TCF12: variants seen among roughly 807,000 people sequenced by gnomAD.
The protein encoded by TCF12 is DNA-binding protein HTF4.
In TCF12, 45 loss-of-function variants were observed where a neutral mutation model predicts 86.0. That is an observed-to-expected ratio of 0.52 (90% CI 0.41 to 0.67). The LOEUF (loss-of-function observed/expected upper bound fraction) is 0.67, where lower values mean the gene tolerates loss of function less well. Ranked by LOEUF, TCF12 falls within the 30% of genes least tolerant of loss-of-function variation. The pLI is 0.00. For missense variants in TCF12, 881 were observed against 859.9 expected (o/e 1.02, Z -0.31); for synonymous variants, 330 against 299.6 (o/e 1.10, Z -1.05).
intron 3 of TCF12, among the ~76,000 whole-genome samples, chr15:56,951,664 T>G (rs1009729052): frequency 2.0e-5 from 3 of 152,206 alleles, no homozygotes; most frequent in Non-Finnish European, 4.4e-5. Flanking sequence ...TAGAACGTTT[T>G]TTTGAGACCA....
At chr15:57,251,489 G>T in intron 14 of TCF12, 66 bp downstream of exon 14, 1 of 1,489,472 alleles carries the variant, frequency 6.7e-7, no homozygotes, top group Admixed American at 1.7e-5. Flanking sequence ...GGTCAATCTG[G>T]CATAACAATA....
intron 4 of TCF12, among the ~76,000 whole-genome samples, chr15:57,085,972 T>C (rs567180881): frequency 3.8e-4 from 58 of 152,234 alleles, no homozygotes; most frequent in African/African-American, 1.4e-3. Flanking sequence ...CCTTTCTTTC[T>C]GATAGTTACC....
At chr15:57,075,686 G>A (rs952171221) in intron 4 of TCF12, among the ~76,000 whole-genome samples, 2 of 151,852 alleles carry the variant, frequency 1.3e-5, no homozygotes, top group African/African-American at 2.4e-5. Context: ...GGGAATTTAA[G>A]CCTGAGTTCT....
chr15:57,250,735 A>G (rs556231159), intron 13 of TCF12, among the ~76,000 whole-genome samples: 3 of 151,962 alleles, frequency 2.0e-5, no homozygotes, highest in Non-Finnish European at 2.9e-5. Flanking sequence ...TCTCAAAAAA[A>G]AAAGAAAAAA....
chr15:57,188,719 G>A (rs1202531012), intron 6 of TCF12, among the ~76,000 whole-genome samples: 1 of 152,180 alleles, frequency 6.6e-6, no homozygotes, highest in Non-Finnish European at 1.5e-5. Flanking sequence ...ATATGGGACT[G>A]GGATAACTGG....
At chr15:57,206,357 C>T (rs950969273) in intron 8 of TCF12, among the ~76,000 whole-genome samples, 2 of 151,928 alleles carry the variant, frequency 1.3e-5, no homozygotes, top group African/African-American at 4.8e-5. Context: ...AAAAATTAGC[C>T]GGGCATGGTG....
intron 20 of TCF12, among the ~76,000 whole-genome samples, chr15:57,284,599 A>C (rs539651619): frequency 8.5e-5 from 13 of 152,386 alleles, no homozygotes; most frequent in African/African-American, 3.1e-4. Context: ...TATTTCAAAG[A>C]AGAGTGATGG....
intron 12 of TCF12, among the ~76,000 whole-genome samples, chr15:57,237,070 T>G (rs191173128): frequency 8.9e-4 from 135 of 152,288 alleles, no homozygotes; most frequent in African/African-American, 3.2e-3. Flanking sequence ...TGTTTAACTT[T>G]GTTGATTATA....
intron 8 of TCF12, among the ~76,000 whole-genome samples, chr15:57,200,729 T>C: frequency 6.6e-6 from 1 of 152,226 alleles, no homozygotes. Flanking sequence ...AGAGACTTTT[T>C]TTGTAAACTG....
At chr15:56,948,028 T>G (rs1420506290) in intron 3 of TCF12, among the ~76,000 whole-genome samples, 1 of 152,088 alleles carries the variant, frequency 6.6e-6, no homozygotes, top group Non-Finnish European at 1.5e-5. Context: ...TTTTATTTTG[T>G]GTGACTTATT....
intron 8 of TCF12, among the ~76,000 whole-genome samples, chr15:57,228,148 G>A (rs1298505208): frequency 2.0e-5 from 3 of 151,988 alleles, no homozygotes; most frequent in Non-Finnish European, 4.4e-5. Context: ...CCTACATCTG[G>A]AGTTAATAAA....
intron 3 of TCF12, among the ~76,000 whole-genome samples, chr15:56,978,277 AATAC>A (rs1255043883): frequency 2.0e-5 from 3 of 152,216 alleles, no homozygotes; most frequent in African/African-American, 7.2e-5. Flanking sequence ...TAGTGAAAAG[AATAC>A]ATAATATAAA....
intron 5 of TCF12, among the ~76,000 whole-genome samples, chr15:57,160,505 A>G (rs1274564895): frequency 1.3e-5 from 2 of 152,142 alleles, no homozygotes; most frequent in African/African-American, 4.8e-5. Flanking sequence ...CATATCAGGC[A>G]CCTTCTAACC....
chr15:56,930,932 G>T (rs942449223), intron 3 of TCF12, among the ~76,000 whole-genome samples: 1 of 152,018 alleles, frequency 6.6e-6, no homozygotes, highest in Non-Finnish European at 1.5e-5. Context: ...GATTTGTAGC[G>T]TGTGACATAT....
At chr15:57,205,895 A>G (rs1345727522) in intron 8 of TCF12, among the ~76,000 whole-genome samples, 17 of 152,194 alleles carry the variant, frequency 1.1e-4, no homozygotes, top group African/African-American at 3.9e-4. Context: ...AGTGAGTCCT[A>G]TGGATCCAGT....
chr15:57,096,432 G>A (rs577429462), intron 5 of TCF12, among the ~76,000 whole-genome samples: 4 of 152,084 alleles, frequency 2.6e-5, no homozygotes, highest in Non-Finnish European at 5.9e-5. Context: ...TCTCTGAAAA[G>A]TAAAATAGCA....
intron 1 of TCF12, 62 bp from the exon 2 acceptor site, chr15:56,919,830 C>G (rs765966893): frequency 2.7e-6 from 4 of 1,464,674 alleles, no homozygotes; most frequent in Middle Eastern, 1.8e-4. Context: ...GTACCTCTCT[C>G]TGTTCCCTCA....
chr15:57,185,934 C>G (rs967827241), intron 6 of TCF12, among the ~76,000 whole-genome samples: 4 of 151,884 alleles, frequency 2.6e-5, no homozygotes, highest in Non-Finnish European at 5.9e-5. Context: ...AAACCTTTAG[C>G]TAGATTGACT....
chr15:57,205,943 G>A (rs2057788981), intron 8 of TCF12, among the ~76,000 whole-genome samples: 1 of 152,142 alleles, frequency 6.6e-6, no homozygotes, highest in Non-Finnish European at 1.5e-5. Flanking sequence ...ACTTGTTATT[G>A]TTATTTTCTG....
Sources: gnomAD v4.1 joint callset for allele counts (sites outside exome capture counted in the v4.1 genomes callset) on GRCh38, gnomAD v4.1.1 for gene constraint, MANE v1.5 for transcripts, NCBI Gene and HGNC (gene_info 2026-07-23, HGNC 2026-07-21) for gene names.